NAV1: variants seen among roughly 807,000 people sequenced by gnomAD.
NAV1 encodes pore membrane and/or filament interacting like protein 3.
In NAV1, 18 loss-of-function variants were observed where a neutral mutation model predicts 175.2. The observed-to-expected ratio is 0.10, with a 90% CI of 0.07 to 0.15. The LOEUF is 0.15. NAV1 is among the 10% of genes least tolerant of loss of function. The pLI is 1.00. For missense variants in NAV1, 1,731 were observed against 2,436.6 expected (o/e 0.71, Z 6.10); for synonymous variants, 897 against 978.7 (o/e 0.92, Z 1.56).
chr1:201,669,737 A>G (rs532474704), intron 1 of NAV1, among the ~76,000 whole-genome samples: 1 of 152,270 alleles, frequency 6.6e-6, no homozygotes, highest in South Asian at 2.1e-4. Context: ...TGGGTAGGGA[A>G]ACATCATTGC....
chr1:201,550,052 G>A (rs188339575), intron 1 of NAV1, among the ~76,000 whole-genome samples: 183 of 147,950 alleles, frequency 1.2e-3, no homozygotes, highest in African/African-American at 4.1e-3. Flanking sequence ...GGTGCCCGCC[G>A]GGCATGCTCA....
intron 1 of NAV1, among the ~76,000 whole-genome samples, chr1:201,701,412 TA>T (rs969642968): frequency 1.3e-4 from 8 of 63,460 alleles, no homozygotes; most frequent in Admixed American, 2.4e-4. Context: ...TAAAGTATAA[TA>T]AAAAAAATAA....
intron 1 of NAV1, among the ~76,000 whole-genome samples, chr1:201,669,927 T>C (rs537382980): frequency 6.6e-6 from 1 of 152,074 alleles, no homozygotes; most frequent in East Asian, 1.9e-4. Flanking sequence ...GGATAAGGCT[T>C]CTGAACCCCA....
chr1:201,604,346 G>A (rs548274656), intron 2 of NAV1, among the ~76,000 whole-genome samples: 37 of 152,252 alleles, frequency 2.4e-4, no homozygotes, highest in Non-Finnish European at 4.7e-4. Context: ...GTGAGCCACC[G>A]TGCCTGGCTA....
At position 201,627,826 on chromosome 1, in the gene NAV1, G is replaced by C. The variant is rs1174056457; in HGVS notation, c.-100-1578G>C. Among the ~76,000 whole-genome samples, 3 of 152,014 alleles carry C rather than the reference G, an allele frequency of 2.0e-5. No individual in the cohort carries two copies. In the East Asian group the frequency reaches 5.8e-4, roughly 29 times the overall value. On this transcript the variant is annotated intron_variant, in intron 1 of 29. Coordinates refer to the NAV1 transcript ENST00000367302. ...GTCTTTCTTTATCCCCTTGGCACTTGTGTACTTGGACAGACATTTAATTGA... is the reference window on the plus strand; with the variant it reads ...GTCTTTCTTTATCCCCTTGGCACTTCTGTACTTGGACAGACATTTAATTGA...
chr1:201,730,635 C>T (rs371883273), intron 3 of NAV1, among the ~76,000 whole-genome samples: 7 of 152,342 alleles, frequency 4.6e-5, no homozygotes, highest in African/African-American at 1.4e-4. Context: ...TTAGAGACCC[C>T]CTCCTGGAAT....
intron 3 of NAV1, among the ~76,000 whole-genome samples, chr1:201,768,679 C>T (rs887155232): frequency 6.7e-6 from 1 of 150,156 alleles, no homozygotes; most frequent in African/African-American, 2.5e-5. Context: ...AATCCACAAC[C>T]ACAGTTTTGT....
intron 2 of NAV1, among the ~76,000 whole-genome samples, chr1:201,642,063 CTTT>C (rs745642450): frequency 1.0e-4 from 15 of 147,394 alleles, no homozygotes; most frequent in African/African-American, 3.5e-4. Context: ...CCTTTTCTTT[CTTT>C]TTTTCCTTCC....
At chr1:201,720,591 C>T (rs1051437246) in intron 3 of NAV1, among the ~76,000 whole-genome samples, 4 of 152,194 alleles carry the variant, frequency 2.6e-5, no homozygotes, top group African/African-American at 9.6e-5. Flanking sequence ...GCAGGACTTC[C>T]GGCTCTTAAC....
exon 7 of NAV1, chr1:201,783,839 G>A (rs1430109432): frequency 6.2e-7 from 1 of 1,610,980 alleles, no homozygotes; most frequent in African/African-American, 1.3e-5. Flanking sequence ...CCCCAGAGCT[G>A]GGCAACTGGA....
rs570310117 is a variant in NAV1 at position 201,585,551 on chromosome 1, T to G, written c.-143-2988T>G. On this transcript the variant is annotated intron_variant, in intron 1 of 33. Transcript: ENST00000685211. Reference sequence around the variant, plus strand: ...CAACCCACAGATTAGGAAAAAAAATTTGCAAATCTTATATCTGATAAGGGT... The same window carrying G: ...CAACCCACAGATTAGGAAAAAAAATGTGCAAATCTTATATCTGATAAGGGT... 2.4e-3 allele frequency among the ~76,000 whole-genome samples: 364 copies of G among 152,096 alleles called. 3 individuals carry two copies. Among genetic ancestry groups the G allele is most frequent in the Non-Finnish European group, 2.3e-3 (159 of 67,994 alleles).
At chr1:201,579,838 T>C (rs1190855097) in intron 1 of NAV1, among the ~76,000 whole-genome samples, 1 of 152,198 alleles carries the variant, frequency 6.6e-6, no homozygotes, top group East Asian at 1.9e-4. Context: ...GGATTTACTA[T>C]GGGAATTGGC....
At chr1:201,638,974 C>G (rs1668678658) in intron 2 of NAV1, among the ~76,000 whole-genome samples, 1 of 152,174 alleles carries the variant, frequency 6.6e-6, no homozygotes, top group South Asian at 2.1e-4. Flanking sequence ...TGTGGGTACC[C>G]AGCCCCTGAC....
intron 1 of NAV1, among the ~76,000 whole-genome samples, chr1:201,665,224 C>T (rs192158184): frequency 3.3e-5 from 5 of 151,452 alleles, no homozygotes; most frequent in Admixed American, 1.3e-4. Flanking sequence ...AGGAAATCCT[C>T]CAGTTGGGCT....
chr1:201,774,236 A>G (rs1291119263), intron 3 of NAV1, among the ~76,000 whole-genome samples: 3 of 152,324 alleles, frequency 2.0e-5, no homozygotes, highest in South Asian at 4.1e-4. Context: ...TTTCTGCCAA[A>G]CAACAGATGC....
intron 3 of NAV1, among the ~76,000 whole-genome samples, chr1:201,732,501 C>A (rs10157564): frequency 0.015 from 2,224 of 152,162 alleles, 61 homozygotes; most frequent in African/African-American, 0.051. Context: ...TATATCTCCA[C>A]AAGTCCTTGT....
intron 3 of NAV1, among the ~76,000 whole-genome samples, chr1:201,778,327 C>T (rs1161279382): frequency 1.3e-5 from 2 of 152,164 alleles, no homozygotes; most frequent in Non-Finnish European, 2.9e-5. Context: ...GCTTTCTTTG[C>T]CTCACGACCT....
chr1:201,738,725 T>C (rs1673223319), intron 3 of NAV1, among the ~76,000 whole-genome samples: 1 of 152,186 alleles, frequency 6.6e-6, no homozygotes, highest in Non-Finnish European at 1.5e-5. Flanking sequence ...TGGATCTGTA[T>C]GTGTGGCTCA....
In NAV1 at chr1:201,579,339, C is replaced by T. The variant is rs893812850; in HGVS notation, c.-143-9200C>T. On this transcript the variant is annotated intron_variant, in intron 1 of 33. Coordinates refer to the NAV1 transcript ENST00000685211. ...CATCGCCATGTTGTTCCTTGAGTCC[C>T]AAGGTCCCTACTTCATCCACCCTTT... Among the ~76,000 whole-genome samples the T allele has an allele frequency of 3.3e-5, 5 of 152,076 alleles. No individual in the cohort carries two copies. The East Asian group carries it at 7.7e-4, about 23-fold the overall frequency.
Sources: gnomAD v4.1 joint callset for allele counts (sites outside exome capture counted in the v4.1 genomes callset) on GRCh38, gnomAD v4.1.1 for gene constraint, MANE v1.5 for transcripts, NCBI Gene and HGNC (gene_info 2026-07-23, HGNC 2026-07-21) for gene names.